Variants in RPL34 observed in about 807,000 individuals in gnomAD.
RPL34 encodes the protein ribosomal protein L34.
A neutral mutation model predicts 16.3 loss-of-function variants in RPL34; 2 were observed. The observed-to-expected ratio is 0.12, with a 90% CI of 0.05 to 0.39. The LOEUF (loss-of-function observed/expected upper bound fraction) is 0.39. Among genes scored for constraint, RPL34 ranks in the 10% least tolerant of loss-of-function variants. The probability of loss-of-function intolerance (pLI) is 0.99; values close to 1 mark genes in which losing one functional copy is unlikely to be tolerated. For synonymous variants in RPL34, 47 were observed against 48.5 expected (o/e 0.97, Z 0.13); for missense variants, 82 against 148.8 (o/e 0.55, Z 2.33).
At chr4:108,627,780 T>C (rs2110368760), downstream of RPL34, among the ~76,000 whole-genome samples, 1 of 151,788 alleles carries the variant, frequency 6.6e-6, no homozygotes, top group Non-Finnish European at 1.5e-5. Flanking sequence ...AAGAATCGCT[T>C]GAACCTGTGA....
intron 3 of RPL34, 126 bp downstream of exon 3, chr4:108,622,330 G>A (rs1261577493): frequency 4.7e-6 from 4 of 848,542 alleles, no homozygotes; most frequent in South Asian, 1.5e-5. Flanking sequence ...AAACATTCAT[G>A]AGCCAAATCT....
chr4:108,622,054 A>C, intron 2 of RPL34, 30 bp downstream of exon 2: 1 of 1,595,960 alleles, frequency 6.3e-7, no homozygotes, highest in Non-Finnish European at 8.6e-7. Flanking sequence ...TTAAGTATAT[A>C]TTGTCATTTA....
At chr4:108,621,270 C>G (rs1237918788) in intron 1 of RPL34, 1 of 152,294 alleles carries the variant, frequency 6.6e-6, no homozygotes, top group African/African-American at 2.4e-5. Context: ...GTTCCCTTAA[C>G]GAAGTTGCTC....
intron 4 of RPL34, among the ~76,000 whole-genome samples, chr4:108,624,310 A>G (rs1341288283): frequency 6.6e-6 from 1 of 152,068 alleles, no homozygotes; most frequent in Non-Finnish European, 1.5e-5. Context: ...CATGGGGGAG[A>G]TTTGAAGAAA....
rs372950337 is a variant in RPL34 at position 108,622,913 on chromosome 4, TAA to T, written c.269+298_269+299del. ...AAGATAGATGGAGTGTGGAAGGTGT[TAA>T]AAGTGTAGGAACAGAAGAGTTGTGT... is the stretch of plus-strand genomic sequence containing the variant. On this transcript the variant is annotated intron_variant, in intron 4 of 4. Coordinates refer to ENST00000394667, the MANE Select transcript of RPL34 (RefSeq NM_001319236.2). 356 of 272,960 alleles carry T rather than the reference TAA, an allele frequency of 1.3e-3. 1 individual carries two copies. The highest frequency in any genetic ancestry group is 7.2e-3 in the African/African-American group (324 of 45,140). The allele number at this position is 272,960 out of a possible 1,614,324, so 16.9% of individuals were successfully genotyped here.
chr4:108,622,492 A>G, intron 3 of RPL34, 23 bp from the exon 4 acceptor site: 3 of 1,573,578 alleles, frequency 1.9e-6, no homozygotes, highest in Non-Finnish European at 2.6e-6. Flanking sequence ...CATCACAAAA[A>G]TCTTAATATT....
chr4:108,628,086 T>C (rs775694329), downstream of RPL34, among the ~76,000 whole-genome samples: 3 of 152,188 alleles, frequency 2.0e-5, no homozygotes, highest in Non-Finnish European at 2.9e-5. Context: ...TAATAAATGC[T>C]AGCATAATCA....
chr4:108,624,749 C>A (rs1489597835), intron 4 of RPL34, among the ~76,000 whole-genome samples: 1 of 152,070 alleles, frequency 6.6e-6, no homozygotes, highest in Non-Finnish European at 1.5e-5. Context: ...TAACACATAG[C>A]CCCTTATGTG....
intron 4 of RPL34, among the ~76,000 whole-genome samples, chr4:108,624,584 T>C (rs1364607254): frequency 6.6e-6 from 1 of 152,184 alleles, no homozygotes; most frequent in Admixed American, 6.5e-5. Flanking sequence ...CCCTGTTAAA[T>C]ACGTGTGAAA....
chr4:108,625,374 G>T, downstream of RPL34: 2 of 514,052 alleles, frequency 3.9e-6, no homozygotes, highest in Non-Finnish European at 3.5e-6. Context: ...TTTGTTGTTT[G>T]TTTGTTTTTG....
intron 1 of RPL34, chr4:108,621,685 A>G (rs1197091725): frequency 2.6e-6 from 1 of 378,994 alleles, no homozygotes; most frequent in African/African-American, 2.0e-5. Flanking sequence ...TCCAAACAAA[A>G]TTAGACTCTG....
At chr4:108,621,699 A>G (rs1725782623) in intron 1 of RPL34, 3 of 405,382 alleles carry the variant, frequency 7.4e-6, no homozygotes, top group Non-Finnish European at 1.4e-5. Flanking sequence ...GACTCTGAGT[A>G]AGGAGCCTGG....
chr4:108,624,481 G>A (rs1230963413), intron 4 of RPL34, among the ~76,000 whole-genome samples: 3 of 151,686 alleles, frequency 2.0e-5, no homozygotes, highest in African/African-American at 7.2e-5. Context: ...GCTAGGTCCT[G>A]TGCAACACTG....
At chr4:108,623,724 C>T (rs1725878977) in intron 4 of RPL34, among the ~76,000 whole-genome samples, 1 of 152,110 alleles carries the variant, frequency 6.6e-6, no homozygotes, top group Non-Finnish European at 1.5e-5. Context: ...GTTTTTAAAC[C>T]AAACCTTTTG....
At chr4:108,622,364 C>A in intron 3 of RPL34, 151 bp from the exon 4 acceptor site, 1 of 812,092 alleles carries the variant, frequency 1.2e-6, no homozygotes, top group South Asian at 1.6e-5. Context: ...ACTTTTTAAA[C>A]CAATCTGAGA....
At chr4:108,625,916 AGTTCCTT>A (rs954042198), downstream of RPL34, among the ~76,000 whole-genome samples, 1 of 152,160 alleles carries the variant, frequency 6.6e-6, no homozygotes, top group African/African-American at 2.4e-5. Flanking sequence ...TTGGTATTCT[AGTTCCTT>A]GGAATGGAAC....
At chr4:108,623,979 G>A (rs950743149) in intron 4 of RPL34, among the ~76,000 whole-genome samples, 13 of 152,258 alleles carry the variant, frequency 8.5e-5, no homozygotes, top group African/African-American at 2.6e-4. Flanking sequence ...AGGAAAGTAC[G>A]GACTGATCTG....
chr4:108,622,690 A>G, intron 4 of RPL34, 72 bp downstream of exon 4: 1 of 910,262 alleles, frequency 1.1e-6, no homozygotes, highest in Non-Finnish European at 1.7e-6. Flanking sequence ...TGATCAGTAC[A>G]ATGGTGAAGC....
At chr4:108,622,688 A>G (rs1431231420) in intron 4 of RPL34, 70 bp downstream of exon 4, 2 of 941,366 alleles carry the variant, frequency 2.1e-6, no homozygotes, top group South Asian at 3.5e-5. Flanking sequence ...GCTGATCAGT[A>G]CAATGGTGAA....
Sources: gnomAD v4.1 joint callset for allele counts (sites outside exome capture counted in the v4.1 genomes callset) on GRCh38, gnomAD v4.1.1 for gene constraint, MANE v1.5 for transcripts, NCBI Gene and HGNC (gene_info 2026-07-23, HGNC 2026-07-21) for gene names.